The following GTF2A1 variants were observed in gnomAD, a reference collection of about 807,000 sequenced individuals.
The protein encoded by GTF2A1 is general transcription factor IIA subunit 1.
Under a neutral mutation model 54.1 loss-of-function variants are expected in GTF2A1, and 12 were observed. That is an observed-to-expected ratio of 0.22 (90% CI 0.14 to 0.36). The LOEUF is 0.36. Ranked by LOEUF, GTF2A1 falls within the 10% of genes least tolerant of loss-of-function variation. The pLI is 1.00. For missense variants in GTF2A1, 335 were observed against 442.2 expected, an observed-to-expected ratio of 0.76 and a Z score of 2.17; for synonymous variants, 145 against 152.0, an observed-to-expected ratio of 0.95 and a Z score of 0.34.
chr14:81,218,882 G>T (rs1347068394), intron 1 of GTF2A1, among the ~76,000 whole-genome samples: 3 of 149,956 alleles, frequency 2.0e-5, no homozygotes, highest in African/African-American at 7.4e-5. Context: ...GAAGCTTTAG[G>T]TACTTATCTA....
upstream of GTF2A1, chr14:81,221,234 TG>T (rs1422864077): frequency 6.6e-6 from 1 of 152,254 alleles, no homozygotes; most frequent in African/African-American, 2.4e-5. Context: ...TGCAAAGCGT[TG>T]CTGGAAAAGA....
intron 1 of GTF2A1, among the ~76,000 whole-genome samples, chr14:81,218,826 T>TGACA (rs1363144112): frequency 2.7e-5 from 4 of 150,438 alleles, no homozygotes; most frequent in African/African-American, 9.8e-5. Context: ...GCAGTCTGTC[T>TGACA]CTTCCCTCTA....
chr14:81,196,069 A>G (rs746227051), intron 6 of GTF2A1, 39 bp downstream of exon 6: 26 of 1,590,982 alleles, frequency 1.6e-5, no homozygotes, highest in Non-Finnish European at 2.2e-5. Flanking sequence ...ACAGAATAAA[A>G]CAGAACCCCA....
chr14:81,183,916 G>A (rs1214905401), intron 8 of GTF2A1, among the ~76,000 whole-genome samples: 6 of 152,176 alleles, frequency 3.9e-5, no homozygotes, highest in East Asian at 1.9e-4. Flanking sequence ...CTCATTTTGC[G>A]CAGTCAAAGA....
intron 2 of GTF2A1, chr14:81,209,814 G>A: frequency 3.1e-6 from 2 of 640,358 alleles, no homozygotes; most frequent in Non-Finnish European, 4.9e-6. Context: ...CAGCCTCAAA[G>A]AAAAGCCATC....
chr14:81,209,590 AG>A (rs1299387822), intron 2 of GTF2A1, among the ~76,000 whole-genome samples: 7 of 152,200 alleles, frequency 4.6e-5, no homozygotes, highest in South Asian at 2.1e-4. Flanking sequence ...CATTTTAACT[AG>A]TACCCCAGAT....
chr14:81,220,722 C>T lies in GTF2A1; in HGVS notation c.-204G>A, dbSNP rs1452721263. 7.8e-6 allele frequency: 3 copies of T among 382,588 alleles called. No homozygotes were observed. Among genetic ancestry groups the T allele is most frequent in the African/African-American group, 4.2e-5 (2 of 47,082 alleles). The allele number at this position is 382,588 out of a possible 1,614,324, so 23.7% of individuals were successfully genotyped here. ...GGGGCACTCCTCCCGCAGCTGAAAA[C>T]CTCGAGAATCGCCTTAAAAAAAAAA... is the stretch of plus-strand genomic sequence containing the variant. On this transcript the variant is annotated 5_prime_UTR_variant, in exon 1 of 9. Transcript: ENST00000553612.
At chr14:81,219,572 T>G (rs2140047310) in intron 1 of GTF2A1, among the ~76,000 whole-genome samples, 1 of 152,292 alleles carries the variant, frequency 6.6e-6, no homozygotes, top group African/African-American at 2.4e-5. Flanking sequence ...TCGCCAACGG[T>G]ACGGTGTCGG....
chr14:81,191,112 T>A (rs969386680), intron 7 of GTF2A1, among the ~76,000 whole-genome samples: 2 of 148,282 alleles, frequency 1.3e-5, no homozygotes, highest in African/African-American at 5.0e-5. Flanking sequence ...AACTCCTAAG[T>A]GAGGAAATGC....
chr14:81,182,406 A>G (rs1892658582), intron 8 of GTF2A1, among the ~76,000 whole-genome samples: 2 of 152,314 alleles, frequency 1.3e-5, no homozygotes, highest in South Asian at 2.1e-4. Flanking sequence ...TGGTATCACC[A>G]TCCTTCTTTC....
At chr14:81,212,210 G>C (rs184093691) in intron 2 of GTF2A1, among the ~76,000 whole-genome samples, 1 of 152,226 alleles carries the variant, frequency 6.6e-6, no homozygotes, top group Non-Finnish European at 1.5e-5. Context: ...ATTAAAAAGA[G>C]AGAAAATGTT....
intron 6 of GTF2A1, among the ~76,000 whole-genome samples, chr14:81,193,407 C>T (rs1310810945): frequency 5.3e-5 from 8 of 152,034 alleles, no homozygotes; most frequent in African/African-American, 1.7e-4. Flanking sequence ...CCTCATGATC[C>T]GCCCGCCTCC....
At chr14:81,183,982 C>T (rs574407593) in intron 8 of GTF2A1, among the ~76,000 whole-genome samples, 11 of 152,328 alleles carry the variant, frequency 7.2e-5, no homozygotes, top group South Asian at 4.1e-4. Context: ...CTCCTCCAAT[C>T]TTCAGAGCAA....
intron 1 of GTF2A1, among the ~76,000 whole-genome samples, chr14:81,218,599 T>G (rs995220737): frequency 1.3e-5 from 2 of 152,172 alleles, no homozygotes; most frequent in Non-Finnish European, 2.9e-5. Context: ...CAATTTAAGT[T>G]TGTCCTAATT....
chr14:81,186,978 T>C (rs1490178096), intron 7 of GTF2A1, among the ~76,000 whole-genome samples: 1 of 151,570 alleles, frequency 6.6e-6, no homozygotes, highest in Non-Finnish European at 1.5e-5. Flanking sequence ...AAAATTATTA[T>C]GTCTAGGCCT....
rs1419902730 is a variant in GTF2A1, at chr14:81,211,875, T to TATATA, written c.132+4537_132+4538insTATAT. Among the ~76,000 whole-genome samples the TATATA allele has an allele frequency of 1.5e-3, 105 of 68,480 alleles. 2 individuals carry two copies. The highest frequency in any genetic ancestry group is 9.3e-3 in the Middle Eastern group (1 of 108). The allele number at this position is 68,480 out of a possible 152,430, so 44.9% of individuals were successfully genotyped here. On this transcript the variant is annotated intron_variant, in intron 2 of 8. Transcript: ENST00000553612. ...ACATAATTAGAGTGTATCAAGTACT[T>TATATA]TATATATATATATATATATATATAT... is the stretch of plus-strand genomic sequence containing the variant.
At position 81,177,270 on chromosome 14, in the gene GTF2A1, A is replaced by C. The variant is rs2140141702; in HGVS notation, c.*2953T>G. The C allele has an allele frequency of 6.6e-6, 1 of 152,298 alleles. No individual in the cohort carries two copies. Among genetic ancestry groups the C allele is most frequent in the East Asian group, 1.9e-4 (1 of 5,192 alleles). The allele number at this position is 152,298 out of a possible 1,614,324, so 9.4% of individuals were successfully genotyped here. A position where few individuals can be genotyped will look rare whatever the true frequency, so the allele number is the denominator to read the frequency against. On this transcript the variant is annotated 3_prime_UTR_variant, in exon 9 of 9. Coordinates refer to ENST00000553612, the MANE Select transcript of GTF2A1 (RefSeq NM_015859.4). ...TGACATTATGATGGCATTTTAATTAACAGAAAGAAATGTGAACATTTAAAA... is the reference window on the plus strand; with the variant it reads ...TGACATTATGATGGCATTTTAATTACCAGAAAGAAATGTGAACATTTAAAA...
intron 2 of GTF2A1, among the ~76,000 whole-genome samples, chr14:81,207,143 CTA>C (rs2140034268): frequency 6.3e-5 from 1 of 15,862 alleles, no homozygotes; most frequent in African/African-American, 1.7e-4. Flanking sequence ...ACCTACGTAC[CTA>C]CCTACCTACC....
At chr14:81,197,734 TA>T (rs1394952197) in intron 4 of GTF2A1, among the ~76,000 whole-genome samples, 1 of 152,170 alleles carries the variant, frequency 6.6e-6, no homozygotes, top group Non-Finnish European at 1.5e-5. Flanking sequence ...GTGCTCTAAG[TA>T]AATCTCACAG....
Sources: allele counts gnomAD v4.1 joint callset (sites outside exome capture counted in the v4.1 genomes callset), GRCh38; gene constraint gnomAD v4.1.1; transcripts MANE v1.5; gene names NCBI Gene and HGNC (gene_info 2026-07-23, HGNC 2026-07-21).